Variants in BCAS4 observed in about 807,000 individuals in gnomAD.
BCAS4 encodes the protein breast carcinoma-amplified sequence 4.
Under a neutral mutation model 15.7 loss-of-function variants are expected in BCAS4, and 9 were observed. That is an observed-to-expected ratio of 0.57 (90% confidence interval 0.34 to 1.00). The LOEUF is 1.00. Among genes scored for constraint, BCAS4 ranks in the 50% least tolerant of loss-of-function variants. The probability of loss-of-function intolerance (pLI) is 0.02; values close to 1 mark genes in which losing one functional copy is unlikely to be tolerated. For synonymous variants in BCAS4, 101 were observed against 99.5 expected (o/e 1.02, Z -0.09); for missense variants, 225 against 239.1 (o/e 0.94, Z 0.39).
chr20:50,870,982 G>A (rs973821013), intron 4 of BCAS4, among the ~76,000 whole-genome samples: 4 of 152,208 alleles, frequency 2.6e-5, no homozygotes, highest in African/African-American at 7.2e-5. Flanking sequence ...TCCTGCCTGC[G>A]GCCCGGGAGG....
At chr20:50,821,909 G>A (rs1435189740) in intron 2 of BCAS4, among the ~76,000 whole-genome samples, 1 of 152,000 alleles carries the variant, frequency 6.6e-6, no homozygotes, top group Non-Finnish European at 1.5e-5. Context: ...TCTACTGTGG[G>A]GCCATGGACA....
intron 1 of BCAS4, among the ~76,000 whole-genome samples, chr20:50,799,219 A>G (rs1331137033): frequency 2.6e-5 from 4 of 152,150 alleles, no homozygotes; most frequent in African/African-American, 9.7e-5. Flanking sequence ...CTTTAAGAGA[A>G]ACTGCGTGTA....
At chr20:50,795,256 A>G in intron 1 of BCAS4, 83 bp downstream of exon 1, 1 of 1,201,708 alleles carries the variant, frequency 8.3e-7, no homozygotes, top group Non-Finnish European at 1.1e-6. Context: ...TCCCCGGAGC[A>G]TCCTCTCGCT....
At chr20:50,800,029 CAG>C (rs2087909149) in intron 1 of BCAS4, among the ~76,000 whole-genome samples, 1 of 152,156 alleles carries the variant, frequency 6.6e-6, no homozygotes, top group African/African-American at 2.4e-5. Context: ...GCCTGGGCGA[CAG>C]AGTGAGACCT....
At chr20:50,863,248 CTTT>C (rs1054175958) in intron 4 of BCAS4, among the ~76,000 whole-genome samples, 1 of 86,096 alleles carries the variant, frequency 1.2e-5, no homozygotes, top group Non-Finnish European at 2.2e-5. Flanking sequence ...CTAACTGGTG[CTTT>C]TTTTTTTTTT....
rs941989443 is a variant in BCAS4, at chr20:50,867,229, C to T, written c.400-9257C>T. Among the ~76,000 whole-genome samples the T allele has an allele frequency of 3.3e-5, 5 of 152,156 alleles. No individual in the cohort carries two copies. The East Asian group carries it at 5.8e-4, about 18-fold the overall frequency. Reference sequence around the variant, plus strand: ...GTTTCCCTAAAGTCTTTTTCTGTTCCGGGATCCCATACTACATTCAGTCAT... The same window carrying T: ...GTTTCCCTAAAGTCTTTTTCTGTTCTGGGATCCCATACTACATTCAGTCAT... On this transcript the variant is annotated intron_variant, in intron 4 of 4. Coordinates refer to ENST00000371608, the MANE Select transcript of BCAS4 (RefSeq NM_198799.4).
intron 2 of BCAS4, among the ~76,000 whole-genome samples, chr20:50,829,988 T>C (rs1018777056): frequency 6.6e-6 from 1 of 152,156 alleles, no homozygotes; most frequent in Non-Finnish European, 1.5e-5. Context: ...TCCAGTTCAG[T>C]GGTTTAGAAA....
At chr20:50,853,937 G>T (rs755493327) in intron 4 of BCAS4, among the ~76,000 whole-genome samples, 1 of 152,004 alleles carries the variant, frequency 6.6e-6, no homozygotes, top group South Asian at 2.1e-4. Flanking sequence ...TACCCTCCCC[G>T]CAGTGTAACA....
chr20:50,867,839 G>A (rs1189149770), intron 4 of BCAS4, among the ~76,000 whole-genome samples: 4 of 152,148 alleles, frequency 2.6e-5, no homozygotes, highest in South Asian at 2.1e-4. Flanking sequence ...ATTTGAACCC[G>A]GGAGGCAGAG....
At chr20:50,798,151 C>A (rs2087888939) in intron 1 of BCAS4, among the ~76,000 whole-genome samples, 1 of 151,154 alleles carries the variant, frequency 6.6e-6, no homozygotes, top group Admixed American at 6.6e-5. Flanking sequence ...CAAAAATTAG[C>A]CAGATGTGGT....
At chr20:50,859,425 C>T (rs142468965) in intron 4 of BCAS4, among the ~76,000 whole-genome samples, 285 of 152,200 alleles carry the variant, frequency 1.9e-3, no homozygotes, top group African/African-American at 6.4e-3. Flanking sequence ...GTGTGATATG[C>T]CCCAGGGAGA....
chr20:50,853,380 A>T (rs554552180), intron 4 of BCAS4, among the ~76,000 whole-genome samples: 1 of 151,954 alleles, frequency 6.6e-6, no homozygotes, highest in Non-Finnish European at 1.5e-5. Flanking sequence ...CTTGACCTCA[A>T]GTTATCTGCC....
intron 2 of BCAS4, among the ~76,000 whole-genome samples, chr20:50,825,193 C>G (rs1263489215): frequency 6.6e-6 from 1 of 152,168 alleles, no homozygotes; most frequent in Non-Finnish European, 1.5e-5. Context: ...TGGTATCGTG[C>G]CCCTCTAGAC....
chr20:50,832,790 CTG>C (rs2088360234), intron 3 of BCAS4: 1 of 152,386 alleles, frequency 6.6e-6, no homozygotes, highest in Non-Finnish European at 1.5e-5. Context: ...TCCTGTCTCT[CTG>C]TTGCTGGCCC....
At chr20:50,853,357 C>G (rs1011173686) in intron 4 of BCAS4, among the ~76,000 whole-genome samples, 1 of 151,948 alleles carries the variant, frequency 6.6e-6, no homozygotes, top group Non-Finnish European at 1.5e-5. Context: ...GTTAGCCAGG[C>G]TGGTCTCGAA....
intron 4 of BCAS4, among the ~76,000 whole-genome samples, chr20:50,860,601 C>T (rs866126042): frequency 4.6e-5 from 7 of 152,208 alleles, no homozygotes; most frequent in Non-Finnish European, 8.8e-5. Flanking sequence ...CTGGGCCGGG[C>T]GTGGTGGCTC....
At chr20:50,849,727 G>A (rs1315228875) in intron 4 of BCAS4, among the ~76,000 whole-genome samples, 1 of 152,228 alleles carries the variant, frequency 6.6e-6, no homozygotes, top group South Asian at 2.1e-4. Flanking sequence ...CTATATGGGG[G>A]AGAAAGCTGG....
intron 1 of BCAS4, among the ~76,000 whole-genome samples, chr20:50,799,375 T>C (rs1459810645): frequency 6.6e-6 from 1 of 152,146 alleles, no homozygotes; most frequent in South Asian, 2.1e-4. Context: ...TGAAGTTTAT[T>C]TACCAAAAGA....
intron 4 of BCAS4, among the ~76,000 whole-genome samples, chr20:50,860,820 G>T (rs765790981): frequency 2.4e-4 from 36 of 152,118 alleles, no homozygotes; most frequent in African/African-American, 8.5e-4. Flanking sequence ...GTTGCAGTGA[G>T]CCAAGATCAT....
Sources: gnomAD v4.1 joint callset for allele counts (sites outside exome capture counted in the v4.1 genomes callset) on GRCh38, gnomAD v4.1.1 for gene constraint, MANE v1.5 for transcripts, NCBI Gene and HGNC (gene_info 2026-07-23, HGNC 2026-07-21) for gene names.